Variants in NPAS3 observed in about 807,000 individuals in gnomAD.
The protein encoded by NPAS3 is neuronal PAS domain protein 3, also known as neuronal PAS domain-containing protein 3.
Under a neutral mutation model 73.1 loss-of-function variants are expected in NPAS3, and 14 were observed. That is an observed-to-expected ratio of 0.19 (90% CI 0.13 to 0.30). The LOEUF (loss-of-function observed/expected upper bound fraction) is 0.30, where lower values mean the gene tolerates loss of function less well. NPAS3 is among the 10% of genes least tolerant of loss of function. The probability of loss-of-function intolerance (pLI) is 1.00; values close to 1 mark genes in which losing one functional copy is unlikely to be tolerated. For synonymous variants in NPAS3, 620 were observed against 541.5 expected, an observed-to-expected ratio of 1.14 and a Z score of -2.01; for missense variants, 1,096 against 1,250.0, an observed-to-expected ratio of 0.88 and a Z score of 1.86.
At chr14:33,174,531 G>C (rs757870712) in intron 2 of NPAS3, among the ~76,000 whole-genome samples, 12 of 152,188 alleles carry the variant, frequency 7.9e-5, no homozygotes, top group Non-Finnish European at 1.6e-4. Context: ...GTTTGTGTCT[G>C]TTGTGCCTCA....
chr14:33,349,999 G>A (rs2044956237), intron 3 of NPAS3, among the ~76,000 whole-genome samples: 1 of 152,228 alleles, frequency 6.6e-6, no homozygotes, highest in Non-Finnish European at 1.5e-5. Context: ...CGAAGCCAGT[G>A]TTTACTGCTG....
intron 6 of NPAS3, among the ~76,000 whole-genome samples, chr14:33,698,407 T>C (rs2060444209): frequency 1.3e-5 from 2 of 152,242 alleles, no homozygotes; most frequent in South Asian, 4.1e-4. Context: ...ATGTGAAGTC[T>C]TGGTTATCTC....
chr14:33,569,554 C>T (rs563517894), intron 5 of NPAS3, among the ~76,000 whole-genome samples: 35 of 152,080 alleles, frequency 2.3e-4, no homozygotes, highest in African/African-American at 8.4e-4. Flanking sequence ...GGCCTTCTCT[C>T]GCCAATAGAA....
chr14:33,669,384 C>CT (rs1330548985), intron 5 of NPAS3, among the ~76,000 whole-genome samples: 10 of 152,206 alleles, frequency 6.6e-5, no homozygotes, highest in Non-Finnish European at 1.3e-4. Context: ...GGTTTAGTCA[C>CT]TTTCACAAAT....
exon 12 of NPAS3, chr14:33,801,098 AAGG>A: frequency 6.3e-7 from 1 of 1,586,122 alleles, no homozygotes; most frequent in Non-Finnish European, 8.6e-7. Flanking sequence ...TCTGGAGCGC[AAGG>A]AGGACTGAGG....
chr14:33,695,514 T>G (rs1342820371), intron 6 of NPAS3, among the ~76,000 whole-genome samples: 1 of 152,194 alleles, frequency 6.6e-6, no homozygotes, highest in African/African-American at 2.4e-5. Flanking sequence ...CATTGTCAAG[T>G]TGGAAAATGT....
At chr14:33,419,661 T>C (rs920717258) in intron 4 of NPAS3, among the ~76,000 whole-genome samples, 1 of 151,930 alleles carries the variant, frequency 6.6e-6, no homozygotes, top group Admixed American at 6.6e-5. Flanking sequence ...TAAAGATAAA[T>C]TTATTTTTAG....
chr14:32,977,581 A>T (rs946280179), intron 1 of NPAS3, among the ~76,000 whole-genome samples: 2 of 151,992 alleles, frequency 1.3e-5, no homozygotes, highest in African/African-American at 4.8e-5. Context: ...AAAACAAAAA[A>T]ATTAACTGGG....
At chr14:33,120,187 C>A (rs1467200117) in intron 2 of NPAS3, among the ~76,000 whole-genome samples, 1 of 152,082 alleles carries the variant, frequency 6.6e-6, no homozygotes, top group Admixed American at 6.6e-5. Context: ...TCTTGACCTC[C>A]TGACCTCATG....
chr14:33,409,517 T>G (rs1160094062), intron 4 of NPAS3, among the ~76,000 whole-genome samples: 1 of 152,212 alleles, frequency 6.6e-6, no homozygotes, highest in Non-Finnish European at 1.5e-5. Flanking sequence ...CTCTATAAAC[T>G]CATTTTTTGG....
rs117785365 is a variant in NPAS3 at position 33,192,368 on chromosome 14, T to A, written c.141-22814T>A. On this transcript the variant is annotated intron_variant, in intron 2 of 11. Transcript: ENST00000356141. ...TGGGTTCTTTAAGTCTTGTACATGTTTTAAAAAACAGCTGGTGTAATAACT... is the reference window on the plus strand; with the variant it reads ...TGGGTTCTTTAAGTCTTGTACATGTATTAAAAAACAGCTGGTGTAATAACT... 1.2e-3 allele frequency among the ~76,000 whole-genome samples: 182 copies of A among 152,316 alleles called. 1 individual carries two copies. The East Asian group carries it at 0.025, about 21-fold the overall frequency.
intron 4 of NPAS3, among the ~76,000 whole-genome samples, chr14:33,515,781 T>G (rs2053268588): frequency 6.6e-6 from 1 of 152,092 alleles, no homozygotes; most frequent in Non-Finnish European, 1.5e-5. Flanking sequence ...TTTCCAGAAT[T>G]TATTGCTCTT....
chr14:33,446,924 A>G (rs1178285921), intron 4 of NPAS3, among the ~76,000 whole-genome samples: 1 of 152,254 alleles, frequency 6.6e-6, no homozygotes, highest in Non-Finnish European at 1.5e-5. Context: ...AGGCTCATTA[A>G]CTAATACAAC....
rs574734480 is a variant in NPAS3, at chr14:33,345,987, C to T, written c.386-21199C>T. 3.7e-4 allele frequency among the ~76,000 whole-genome samples: 56 copies of T among 152,130 alleles called. No individual in the cohort carries two copies. In the South Asian group the frequency reaches 0.011, roughly 30 times the overall value. ...GTGGTTCATGCCTGTAATCCCAGCA[C>T]TTTGGGAGGTCGAGGCAGGAGGATC... On this transcript the variant is annotated intron_variant, in intron 3 of 11. Coordinates refer to ENST00000356141, the Ensembl canonical transcript of NPAS3.
chr14:32,952,525 T>C (rs1480216919), intron 1 of NPAS3, among the ~76,000 whole-genome samples: 1 of 152,014 alleles, frequency 6.6e-6, no homozygotes, highest in Non-Finnish European at 1.5e-5. Flanking sequence ...ACCACGCATA[T>C]AGATACATTA....
At chr14:33,152,133 A>T (rs76621122) in intron 2 of NPAS3, among the ~76,000 whole-genome samples, 5,638 of 152,120 alleles carry the variant, frequency 0.037, 155 homozygotes, top group African/African-American at 0.078. Flanking sequence ...GAGGCCAGAG[A>T]TGCTGCTAAA....
intron 5 of NPAS3, among the ~76,000 whole-genome samples, chr14:33,645,093 A>G (rs1174290681): frequency 8.6e-5 from 13 of 151,546 alleles, no homozygotes; most frequent in South Asian, 2.1e-4. Context: ...AAAAAAAAAA[A>G]AAAGAAAGAA....
intron 5 of NPAS3, among the ~76,000 whole-genome samples, chr14:33,650,153 GAA>G (rs1400992989): frequency 6.6e-6 from 1 of 152,192 alleles, no homozygotes; most frequent in Non-Finnish European, 1.5e-5. Flanking sequence ...CTCACTTCGA[GAA>G]AACTCTATAA....
chr14:33,671,167 TTCAA>T (rs2059600267), intron 5 of NPAS3, among the ~76,000 whole-genome samples: 1 of 152,170 alleles, frequency 6.6e-6, no homozygotes, highest in Non-Finnish European at 1.5e-5. Context: ...ACCAAACCCC[TTCAA>T]TCAAAGAAGC....
Sources: gnomAD v4.1 joint callset for allele counts (sites outside exome capture counted in the v4.1 genomes callset) on GRCh38, gnomAD v4.1.1 for gene constraint, MANE v1.5 for transcripts, NCBI Gene and HGNC (gene_info 2026-07-23, HGNC 2026-07-21) for gene names.